INPP5F: variants seen among roughly 807,000 people sequenced by gnomAD.
The protein encoded by INPP5F is phosphatidylinositide 4-phosphatase SAC2.
In INPP5F, 97 loss-of-function variants were observed where a neutral mutation model predicts 137.2. The observed-to-expected ratio is 0.71, with a 90% CI of 0.60 to 0.84. The LOEUF is 0.84. Ranked by LOEUF, INPP5F falls within the 40% of genes least tolerant of loss-of-function variation. INPP5F has a pLI of 0.00. For synonymous variants in INPP5F, 504 were observed against 476.9 expected (o/e 1.06, Z -0.74); for missense variants, 1,271 against 1,371.9 (o/e 0.93, Z 1.16).
At chr10:119,798,684 TAACATTGTACTA>T in intron 9 of INPP5F, 74 bp downstream of exon 9, 1 of 1,037,080 alleles carries the variant, frequency 9.6e-7, no homozygotes, top group Non-Finnish European at 1.5e-6. Context: ...TTCATAAAAA[TAACATTGTACTA>T]TTCAAAATTA....
intron 6 of INPP5F, 42 bp from the exon 7 acceptor site, chr10:119,796,673 C>T (rs1178882353): frequency 2.1e-6 from 3 of 1,435,144 alleles, no homozygotes; most frequent in Non-Finnish European, 3.0e-6. Context: ...AGTAGCAGTG[C>T]TGTACAGAAT....
intron 2 of INPP5F, among the ~76,000 whole-genome samples, chr10:119,761,923 A>G (rs1849021480): frequency 6.6e-6 from 1 of 152,188 alleles, no homozygotes; most frequent in South Asian, 2.1e-4. Flanking sequence ...TGTTAATATC[A>G]TAGTTCAGTT....
chr10:119,749,676 G>A (rs867137086), intron 1 of INPP5F, among the ~76,000 whole-genome samples: 1 of 152,138 alleles, frequency 6.6e-6, no homozygotes, highest in Non-Finnish European at 1.5e-5. Flanking sequence ...CTCAGCATTT[G>A]TTTCCTCATC....
chr10:119,730,691 G>A (rs1337983302), intron 1 of INPP5F, among the ~76,000 whole-genome samples: 2 of 152,022 alleles, frequency 1.3e-5, no homozygotes, highest in African/African-American at 2.4e-5. Flanking sequence ...GAGACTGAGC[G>A]ACCAAGAAGA....
At chr10:119,736,142 A>G (rs981589746) in intron 1 of INPP5F, among the ~76,000 whole-genome samples, 10 of 152,230 alleles carry the variant, frequency 6.6e-5, no homozygotes, top group African/African-American at 2.4e-4. Flanking sequence ...GGGGACAGCA[A>G]AAGGTGAGGG....
rs775159171 is a variant in INPP5F, at chr10:119,826,640, T to C, written c.2259T>C (p.Ser753=). 6 of 1,579,644 alleles carry C rather than the reference T, an allele frequency of 3.8e-6. No homozygotes were observed. The highest frequency in any genetic ancestry group is 5.1e-6 in the Non-Finnish European group (6 of 1,168,328). The change falls in exon 20 of 20, where the codon AGT becomes AGC. Residue 753 remains serine, a synonymous_variant. Coordinates refer to ENST00000650623, the MANE Select transcript of INPP5F (RefSeq NM_014937.4). The part of the protein sequence containing the change: ...IIEKKLERKS[S]KPHEDIIGIR... ...CTCTTCTAATTTGTAGGAAGAGCAG[T>C]AAACCTCACGAAGACATCATTGGTA...
At position 119,741,120 on chromosome 10, in the gene INPP5F, G is replaced by A. The variant is rs57413470; in HGVS notation, c.98-9956G>A. On this transcript the variant is annotated intron_variant, in intron 1 of 19. Coordinates refer to ENST00000650623, the MANE Select transcript of INPP5F (RefSeq NM_014937.4). Reference sequence around the variant, plus strand: ...TAGTAGAGCTAGGATTCTTCACCCAGGACACCAAATGCAGACTACATCTAT... The same window carrying A: ...TAGTAGAGCTAGGATTCTTCACCCAAGACACCAAATGCAGACTACATCTAT... Among the ~76,000 whole-genome samples, 375 of 152,276 alleles carry A rather than the reference G, an allele frequency of 2.5e-3. 1 individual carries two copies. Among genetic ancestry groups the A allele is most frequent in the African/African-American group, 8.0e-3 (332 of 41,546 alleles).
At chr10:119,760,786 C>T (rs945309370) in intron 2 of INPP5F, among the ~76,000 whole-genome samples, 1 of 152,172 alleles carries the variant, frequency 6.6e-6, no homozygotes, top group African/African-American at 2.4e-5. Context: ...AACCTCCAGC[C>T]TTGAAGCATT....
chr10:119,728,813 C>T (rs1847965777), intron 1 of INPP5F, among the ~76,000 whole-genome samples: 1 of 152,230 alleles, frequency 6.6e-6, no homozygotes, highest in African/African-American at 2.4e-5. Flanking sequence ...ATCCTTGGGG[C>T]AGAATTATTG....
At chr10:119,763,178 G>C (rs1489673452) in intron 2 of INPP5F, among the ~76,000 whole-genome samples, 1 of 152,226 alleles carries the variant, frequency 6.6e-6, no homozygotes. Context: ...AACTCCTTGA[G>C]ATCTTAAGGC....
chr10:119,817,354 G>A (rs749795634), intron 15 of INPP5F, among the ~76,000 whole-genome samples: 28 of 152,184 alleles, frequency 1.8e-4, no homozygotes, highest in Non-Finnish European at 3.7e-4. Context: ...GGGTGGAAAT[G>A]GCCAGATTAT....
chr10:119,776,523 T>C (rs1849527258), intron 2 of INPP5F, among the ~76,000 whole-genome samples: 1 of 152,138 alleles, frequency 6.6e-6, no homozygotes, highest in African/African-American at 2.4e-5. Flanking sequence ...TTAGATGGTT[T>C]ATTGGAAAGA....
chr10:119,732,392 T>C (rs1020967818), intron 1 of INPP5F, among the ~76,000 whole-genome samples: 1 of 152,074 alleles, frequency 6.6e-6, no homozygotes, highest in African/African-American at 2.4e-5. Flanking sequence ...GTTTTACAGA[T>C]TGAGGGAGGT....
Position 119,827,040 on chromosome 10 carries a change from T to G in INPP5F, c.2659T>G (p.Tyr887Asp), listed in dbSNP as rs1179274464. Residue 887 changes from tyrosine to aspartate, a missense_variant, in exon 20 of 20, where the codon TAC becomes GAC. By Grantham distance (160) the Tyr-to-Asp change is radical. This residue lies in a region of INPP5F where 490 missense variants were observed against 443.7 expected (regional missense o/e 1.10). Transcript: ENST00000650623. ...NSLESVGPID[Y>D]VLPSCGIIAS... Reference sequence around the variant, plus strand: ...ATTAGAGAGTGTAGGGCCAATAGATTACGTTCTTCCTAGTTGTGGTATTAT... The same window carrying G: ...ATTAGAGAGTGTAGGGCCAATAGATGACGTTCTTCCTAGTTGTGGTATTAT... The G allele has an allele frequency of 1.9e-6, 3 of 1,613,928 alleles. No individual in the cohort carries two copies. The highest frequency in any genetic ancestry group is 2.5e-6 in the Non-Finnish European group (3 of 1,179,992).
intron 1 of INPP5F, among the ~76,000 whole-genome samples, chr10:119,732,626 G>C (rs1449621790): frequency 6.7e-6 from 1 of 148,674 alleles, no homozygotes; most frequent in Admixed American, 6.9e-5. Flanking sequence ...TCAGCCTCCT[G>C]AGTAGCTGGG....
At chr10:119,783,986 T>G (rs771790747) in intron 3 of INPP5F, among the ~76,000 whole-genome samples, 2 of 152,244 alleles carry the variant, frequency 1.3e-5, no homozygotes, top group Non-Finnish European at 2.9e-5. Context: ...GATTAAAATT[T>G]TAGAAATTTA....
chr10:119,819,488 G>A, intron 15 of INPP5F: 1 of 1,603,590 alleles, frequency 6.2e-7, no homozygotes, highest in Non-Finnish European at 8.5e-7. Context: ...ATTAAAATGT[G>A]TCATGACGTA....
intron 2 of INPP5F, among the ~76,000 whole-genome samples, chr10:119,775,711 A>T (rs578111926): frequency 9.2e-5 from 14 of 152,240 alleles, no homozygotes; most frequent in Admixed American, 3.9e-4. Flanking sequence ...TCATTCATTG[A>T]TAACTGTTGG....
At chr10:119,823,688 T>A (rs1039321074) in intron 18 of INPP5F, 127 bp from the exon 19 acceptor site, 1 of 613,772 alleles carries the variant, frequency 1.6e-6, no homozygotes, top group African/African-American at 1.9e-5. Context: ...TTTCTATAAA[T>A]CGAAGCAAAT....
Sources: allele counts gnomAD v4.1 joint callset (sites outside exome capture counted in the v4.1 genomes callset), GRCh38; gene constraint gnomAD v4.1.1; regional missense constraint gnomAD v4.1.1; transcripts MANE v1.5; gene names NCBI Gene and HGNC (gene_info 2026-07-23, HGNC 2026-07-21).